The following CSNK1G2 variants were observed in gnomAD, a reference collection of about 807,000 sequenced individuals.
The protein encoded by CSNK1G2 is casein kinase I isoform gamma-2.
A neutral mutation model predicts 48.0 loss-of-function variants in CSNK1G2; 11 were observed. That is an observed-to-expected ratio of 0.23 (90% confidence interval 0.14 to 0.38). CSNK1G2 has a LOEUF of 0.38. Ranked by LOEUF, CSNK1G2 falls within the 10% of genes least tolerant of loss-of-function variation. The pLI is 1.00. For missense variants in CSNK1G2, 446 were observed against 595.5 expected (o/e 0.75, Z 2.61); for synonymous variants, 337 against 254.1 (o/e 1.33, Z -3.10).
At chr19:1,964,630 C>G (rs1436586950) in intron 1 of CSNK1G2, among the ~76,000 whole-genome samples, 5 of 152,104 alleles carry the variant, frequency 3.3e-5, no homozygotes, top group African/African-American at 4.8e-5. Context: ...ATAAATAGAA[C>G]AACAGAGCCT....
chr19:1,976,249 G>A (rs1186447262), intron 2 of CSNK1G2: 17 of 534,182 alleles, frequency 3.2e-5, no homozygotes, highest in Admixed American at 1.2e-4. Context: ...CTGAAAACGC[G>A]GGGACCAGCC....
At chr19:1,959,659 G>GT (rs2015127940) in intron 1 of CSNK1G2, among the ~76,000 whole-genome samples, 3 of 128,934 alleles carry the variant, frequency 2.3e-5, no homozygotes, top group Admixed American at 7.3e-5. Flanking sequence ...CCCAGCACCC[G>GT]CCCCACCTTT....
chr19:1,964,518 A>G (rs1191592731), intron 1 of CSNK1G2, among the ~76,000 whole-genome samples: 1 of 152,020 alleles, frequency 6.6e-6, no homozygotes, highest in Non-Finnish European at 1.5e-5. Flanking sequence ...CCCTCTTGTT[A>G]GGGGCTAACG....
At chr19:1,979,724 A>G in intron 9 of CSNK1G2, 28 bp from the exon 10 acceptor site, 1 of 1,603,832 alleles carries the variant, frequency 6.2e-7, no homozygotes, top group Non-Finnish European at 8.5e-7. Flanking sequence ...GCTGCAGCCC[A>G]TCCTGACCCC....
rs564087824 is a variant in CSNK1G2 at position 1,959,986 on chromosome 19, G to A, written c.-265-9522G>A. On this transcript the variant is annotated intron_variant, in intron 1 of 11. Coordinates refer to ENST00000255641, the MANE Select transcript of CSNK1G2 (RefSeq NM_001319.7). ...TCACGGTCCTCCTGCAGGACTCTCG[G>A]AACTGGGGAGTGAGAGTTTGTTCCC... is the stretch of plus-strand genomic sequence containing the variant. Among the ~76,000 whole-genome samples, 6 of 152,272 alleles carry A rather than the reference G, an allele frequency of 3.9e-5. No homozygotes were observed. The South Asian group carries it at 1.2e-3, about 32-fold the overall frequency.
Position 1,978,571 on chromosome 19 carries a change from C to T in CSNK1G2, c.299-31C>T, listed in dbSNP as rs755274972. The T allele has an allele frequency of 7.6e-6, 12 of 1,574,058 alleles. No homozygotes were observed. Among genetic ancestry groups the T allele is most frequent in the East Asian group, 2.3e-5 (1 of 42,918 alleles). On this transcript the variant is annotated intron_variant, in intron 4 of 11. Coordinates refer to ENST00000255641, the MANE Select transcript of CSNK1G2 (RefSeq NM_001319.7). The surrounding 1 kb of genome is among the most constrained non-coding windows in gnomAD (Gnocchi z 7.3). ...GCAGGGGCAGGGAGGGGGCTGCCGCCGCACGCCCGTGCGTCTGTCCTCCGC... is the reference window on the plus strand; with the variant it reads ...GCAGGGGCAGGGAGGGGGCTGCCGCTGCACGCCCGTGCGTCTGTCCTCCGC...
chr19:1,977,132 G>C (rs1034229734), intron 2 of CSNK1G2, among the ~76,000 whole-genome samples: 2 of 152,190 alleles, frequency 1.3e-5, no homozygotes, highest in African/African-American at 4.8e-5. Flanking sequence ...CCTGAGAGAC[G>C]GGGCTGCCCC....
chr19:1,971,565 A>G (rs536479828), intron 2 of CSNK1G2, among the ~76,000 whole-genome samples: 1 of 152,220 alleles, frequency 6.6e-6, no homozygotes, highest in South Asian at 2.1e-4. Context: ...ACACAGGCGC[A>G]CACAGCCACA....
intron 2 of CSNK1G2, chr19:1,975,341 C>T (rs899937366): frequency 1.0e-5 from 10 of 985,372 alleles, no homozygotes; most frequent in Non-Finnish European, 1.1e-5. Flanking sequence ...GGGAGCGCAG[C>T]TCAGTGCTTG....
chr19:1,942,167 C>G (rs954882712), intron 1 of CSNK1G2, among the ~76,000 whole-genome samples: 4 of 152,206 alleles, frequency 2.6e-5, no homozygotes, highest in African/African-American at 9.6e-5. Flanking sequence ...TGGCCACCGG[C>G]TTTGTTTTCC....
At chr19:1,945,840 A>T (rs1045222600) in intron 1 of CSNK1G2, among the ~76,000 whole-genome samples, 12 of 138,000 alleles carry the variant, frequency 8.7e-5, no homozygotes, top group East Asian at 4.2e-4. Flanking sequence ...AAAAAAAAAA[A>T]GCTGGTTCTC....
chr19:1,952,007 C>T (rs960524462), intron 1 of CSNK1G2, among the ~76,000 whole-genome samples: 3 of 152,166 alleles, frequency 2.0e-5, no homozygotes, highest in Non-Finnish European at 4.4e-5. Context: ...GACTCAACAT[C>T]ATGAAACAGG....
chr19:1,954,049 T>TCCTCAGC (rs2014889233), intron 1 of CSNK1G2: 2 of 522,108 alleles, frequency 3.8e-6, no homozygotes, highest in South Asian at 1.4e-5. Flanking sequence ...TGGCGTTCAC[T>TCCTCAGC]CCTCAGCTTC....
chr19:1,966,282 C>T (rs546237129), intron 1 of CSNK1G2, among the ~76,000 whole-genome samples: 15 of 152,162 alleles, frequency 9.9e-5, no homozygotes, highest in African/African-American at 2.9e-4. Flanking sequence ...TCAGGATGAG[C>T]GGAAGTTTGG....
At chr19:1,980,063 G>C (rs933169976) in intron 11 of CSNK1G2, 46 bp downstream of exon 11, 12 of 1,590,372 alleles carry the variant, frequency 7.5e-6, no homozygotes, top group East Asian at 2.2e-5. Context: ...GGTGCCCTGG[G>C]TCCCCATGGG....
intron 1 of CSNK1G2, chr19:1,953,069 G>C (rs747512732): frequency 2.5e-6 from 1 of 397,804 alleles, no homozygotes; most frequent in African/African-American, 2.2e-5. Context: ...TTCCACGGCC[G>C]TTCATGGTTA....
chr19:1,975,093 A>G, intron 2 of CSNK1G2: 1 of 985,462 alleles, frequency 1.0e-6, no homozygotes, highest in Non-Finnish European at 1.2e-6. Flanking sequence ...GGTTCAGGCG[A>G]AGGTTTCTTC....
intron 1 of CSNK1G2, among the ~76,000 whole-genome samples, chr19:1,948,953 G>A (rs935486394): frequency 1.3e-5 from 2 of 152,200 alleles, no homozygotes; most frequent in African/African-American, 2.4e-5. Flanking sequence ...TGCTCTTCAC[G>A]CAGTGGAAGT....
intron 2 of CSNK1G2, chr19:1,975,425 C>T (rs948218860): frequency 1.0e-5 from 10 of 985,344 alleles, no homozygotes; most frequent in African/African-American, 7.0e-5. Context: ...CAGCCGTGTT[C>T]GCCGGAACTC....
Sources: allele counts gnomAD v4.1 joint callset (sites outside exome capture counted in the v4.1 genomes callset), GRCh38; gene constraint gnomAD v4.1.1; non-coding constraint Gnocchi (gnomAD v3.1); transcripts MANE v1.5; gene names NCBI Gene and HGNC (gene_info 2026-07-23, HGNC 2026-07-21).